Variants in HTATIP2 observed in about 807,000 individuals in gnomAD.
HTATIP2 encodes HIV-1 Tat interactive protein 2.
A neutral mutation model predicts 24.7 loss-of-function variants in HTATIP2; 26 were observed. The ratio of observed to expected loss-of-function variants is 1.05; its 90% CI spans 0.77 to 1.46. The LOEUF (loss-of-function observed/expected upper bound fraction) is 1.46, where lower values mean the gene tolerates loss of function less well. HTATIP2 is among the 40% of genes most tolerant of loss of function. The pLI, the probability that HTATIP2 is intolerant of heterozygous loss-of-function variation, is 0.00. For missense variants in HTATIP2, 284 were observed against 289.6 expected (o/e 0.98, Z 0.14); for synonymous variants, 99 against 113.2 (o/e 0.87, Z 0.79).
At chr11:20,377,946 A>G (rs1197179329) in intron 3 of HTATIP2, among the ~76,000 whole-genome samples, 5 of 152,154 alleles carry the variant, frequency 3.3e-5, no homozygotes, top group Non-Finnish European at 7.3e-5. Context: ...TCCTGTGTCT[A>G]GCTCCTTCAT....
chr11:20,363,790 C>A lies in HTATIP2; in HGVS notation c.-448C>A. On this transcript the variant is annotated 5_prime_UTR_variant, in exon 1 of 5. Coordinates refer to ENST00000451739, the MANE Select transcript of HTATIP2 (RefSeq NM_001098522.2). ...GTCGCCTCCAACCCCCCCGGTCCGA[C>A]CAGGGAAGGTGGGATGCTCTGATGG... 1 of 1,242,748 alleles carries A rather than the reference C, an allele frequency of 8.0e-7. No individual in the cohort carries two copies. The allele number at this position is 1,242,748 out of a possible 1,614,324, so 77.0% of individuals were successfully genotyped here.
intron 4 of HTATIP2, 142 bp from the exon 5 acceptor site, chr11:20,382,838 A>C (rs1848540110): frequency 1.9e-6 from 1 of 530,868 alleles, no homozygotes; most frequent in Admixed American, 3.9e-5. Flanking sequence ...CTTATCTTCA[A>C]ATATAGACAC....
At chr11:20,367,103 T>G in intron 1 of HTATIP2, 71 bp from the exon 2 acceptor site, 1 of 1,559,048 alleles carries the variant, frequency 6.4e-7, no homozygotes, top group East Asian at 2.2e-5. Context: ...ACTTAGTCTT[T>G]AAATCTAGAG....
intron 3 of HTATIP2, among the ~76,000 whole-genome samples, chr11:20,377,714 C>G (rs73447437): frequency 0.044 from 6,685 of 152,272 alleles, 464 homozygotes; most frequent in African/African-American, 0.15. Flanking sequence ...CCAACTTTTT[C>G]TATTTTGGGT....
rs1316883597 is a variant in HTATIP2 at position 20,364,269 on chromosome 11, G to C, written c.32G>C (p.Arg11Pro). 2.5e-6 allele frequency: 4 copies of C among 1,609,404 alleles called. No homozygotes were observed. Among genetic ancestry groups the C allele is most frequent in the Non-Finnish European group, 3.4e-6 (4 of 1,176,556 alleles). Residue 11 changes from arginine (R) to proline (P), a missense_variant, in exon 1 of 5, where the codon CGG becomes CCG. By Grantham distance (103) the Arg-to-Pro change is moderately radical. Coordinates refer to ENST00000451739, the MANE Select transcript of HTATIP2 (RefSeq NM_001098522.2). ...GAAACAGAAGCCCTGTCGAAGCTTC[G>C]GGAAGACTTCAGGATGCAGAATAAA... MAETEALSKL[R>P]EDFRMQNKSV...
At chr11:20,377,129 CTTTTT>C (rs11441867) in intron 3 of HTATIP2, among the ~76,000 whole-genome samples, 33 of 144,258 alleles carry the variant, frequency 2.3e-4, no homozygotes, top group South Asian at 2.0e-3. Flanking sequence ...ACTTTCTTTT[CTTTTT>C]TTTTTTTTTG....
chr11:20,375,205 G>C (rs1848425127), intron 2 of HTATIP2, among the ~76,000 whole-genome samples: 2 of 151,968 alleles, frequency 1.3e-5, no homozygotes, highest in Admixed American at 1.3e-4. Context: ...AACATTCTGT[G>C]AAAGATACAC....
chr11:20,363,895 G>C lies in HTATIP2; in HGVS notation c.-343G>C. 9.7e-6 allele frequency: 12 copies of C among 1,243,274 alleles called. No homozygotes were observed. The highest frequency in any genetic ancestry group is 1.1e-5 in the Non-Finnish European group (11 of 989,970). The allele number at this position is 1,243,274 out of a possible 1,614,324, so 77.0% of individuals were successfully genotyped here. On this transcript the variant is annotated 5_prime_UTR_variant, in exon 1 of 5. Transcript: ENST00000451739. ...TCCTGCTGCGTCGTGAGGACCCGGGGCCGGGGGCTGGCCCCAGGTAACCCC... is the reference window on the plus strand; with the variant it reads ...TCCTGCTGCGTCGTGAGGACCCGGGCCCGGGGGCTGGCCCCAGGTAACCCC...
rs1213362678 is a variant in HTATIP2 at position 20,383,728 on chromosome 11, T to C, written c.*523T>C. ...TGTAATAGAAGTTATATACCTAAGC[T>C]TATATAATACATGGGGAGGATTAAA... On this transcript the variant is annotated 3_prime_UTR_variant, in exon 5 of 5. Transcript: ENST00000451739. 6.4e-6 allele frequency: 1 copy of C among 155,328 alleles called. No individual in the cohort carries two copies. Among genetic ancestry groups the C allele is most frequent in the East Asian group, 1.9e-4 (1 of 5,224 alleles). 9.6% of individuals were successfully genotyped at this position (155,328 alleles called of 1,614,324 possible).
In HTATIP2 at chr11:20,364,289, A is replaced by T; in HGVS notation, c.52A>T (p.Asn18Tyr). ...SKLREDFRMQ[N>Y]KSVFILGASG... ...GCTTCGGGAAGACTTCAGGATGCAG[A>T]ATAAATCCGTCTTTATTTTGGGCGC... Residue 18 changes from asparagine to tyrosine, a missense_variant, in exon 1 of 5, where the codon AAT (asparagine) becomes TAT (tyrosine). Physicochemically the swap from Asn to Tyr is moderately radical, Grantham distance 143. Transcript: ENST00000451739. The T allele has an allele frequency of 3.1e-6, 5 of 1,613,948 alleles. No individual in the cohort carries two copies. Among genetic ancestry groups the T allele is most frequent in the Non-Finnish European group, 4.2e-6 (5 of 1,179,826 alleles).
At position 20,383,603 on chromosome 11, in the gene HTATIP2, C is replaced by G. The variant is rs1848554478; in HGVS notation, c.*398C>G. On this transcript the variant is annotated 3_prime_UTR_variant, in exon 5 of 5. Coordinates refer to ENST00000451739, the MANE Select transcript of HTATIP2 (RefSeq NM_001098522.2). ...AACCTTATGACCGTGCAAATGAGCTCTGCTCTAAAATTGTTGACATTCATG... is the reference window on the plus strand; with the variant it reads ...AACCTTATGACCGTGCAAATGAGCTGTGCTCTAAAATTGTTGACATTCATG... 5.6e-6 allele frequency: 1 copy of G among 179,054 alleles called. No individual in the cohort carries two copies. Among genetic ancestry groups the G allele is most frequent in the East Asian group, 1.6e-4 (1 of 6,218 alleles). The allele number at this position is 179,054 out of a possible 1,614,324, so 11.1% of individuals were successfully genotyped here.
At chr11:20,366,770 G>A (rs1190287001) in intron 1 of HTATIP2, among the ~76,000 whole-genome samples, 3 of 151,952 alleles carry the variant, frequency 2.0e-5, no homozygotes, top group Admixed American at 6.6e-5. Context: ...TAATTTGCCC[G>A]TAACTACATG....
In HTATIP2 at chr11:20,363,818, G is replaced by A. The variant is rs540082656; in HGVS notation, c.-420G>A. 8.8e-6 allele frequency: 11 copies of A among 1,245,270 alleles called. No homozygotes were observed. The East Asian group carries it at 2.2e-4, about 25-fold the overall frequency. 77.1% of individuals were successfully genotyped at this position (1,245,270 alleles called of 1,614,324 possible). A position where few individuals can be genotyped will look rare whatever the true frequency, so the allele number is the denominator to read the frequency against. ...GGGAAGGTGGGATGCTCTGATGGCCGGGCCTGCGGCGCTGAGCGCGGCGGC... is the reference window on the plus strand; with the variant it reads ...GGGAAGGTGGGATGCTCTGATGGCCAGGCCTGCGGCGCTGAGCGCGGCGGC... On this transcript the variant is annotated 5_prime_UTR_variant, in exon 1 of 5. Coordinates refer to ENST00000451739, the MANE Select transcript of HTATIP2 (RefSeq NM_001098522.2).
intron 2 of HTATIP2, chr11:20,367,576 T>C: frequency 7.2e-7 from 1 of 1,393,490 alleles, no homozygotes; most frequent in Non-Finnish European, 9.3e-7. Flanking sequence ...AGGGAAACCA[T>C]GATGTCTGAG....
At chr11:20,373,310 G>A (rs1182673685) in intron 2 of HTATIP2, among the ~76,000 whole-genome samples, 4 of 152,150 alleles carry the variant, frequency 2.6e-5, no homozygotes, top group East Asian at 1.9e-4. Flanking sequence ...ATGTGCCTTC[G>A]CTGACTAATC....
chr11:20,369,789 A>T (rs1485722826), intron 2 of HTATIP2, among the ~76,000 whole-genome samples: 1 of 152,210 alleles, frequency 6.6e-6, no homozygotes, highest in African/African-American at 2.4e-5. Context: ...AAATAAGGTC[A>T]TATTCTGAGG....
At chr11:20,379,245 AAT>A (rs1214770765) in intron 3 of HTATIP2, among the ~76,000 whole-genome samples, 1 of 152,220 alleles carries the variant, frequency 6.6e-6, no homozygotes, top group Non-Finnish European at 1.5e-5. Flanking sequence ...TATTAAGGCC[AAT>A]ACAACGGAAA....
chr11:20,380,445 G>A (rs1848500971), intron 3 of HTATIP2, among the ~76,000 whole-genome samples: 1 of 152,132 alleles, frequency 6.6e-6, no homozygotes, highest in South Asian at 2.1e-4. Flanking sequence ...GGCCGAGGCG[G>A]GCGGATCACG....
intron 2 of HTATIP2, among the ~76,000 whole-genome samples, chr11:20,371,073 G>A (rs549588712): frequency 6.6e-6 from 1 of 152,310 alleles, no homozygotes; most frequent in Admixed American, 6.5e-5. Flanking sequence ...ATTACTTTAT[G>A]TATTATCTGT....
Sources: gnomAD v4.1 joint callset for allele counts (sites outside exome capture counted in the v4.1 genomes callset) on GRCh38, gnomAD v4.1.1 for gene constraint, MANE v1.5 for transcripts, NCBI Gene and HGNC (gene_info 2026-07-23, HGNC 2026-07-21) for gene names.